The following TTN variants were observed in gnomAD, a reference collection of about 807,000 sequenced individuals.
TTN encodes connectin.
TTN carries 1,525 observed loss-of-function variants against 3,223.0 expected under a neutral mutation model. The ratio of observed to expected loss-of-function variants is 0.47; its 90% CI spans 0.45 to 0.49. The LOEUF (loss-of-function observed/expected upper bound fraction) is 0.49, where lower values mean the gene tolerates loss of function less well. Among genes scored for constraint, TTN ranks in the 20% least tolerant of loss-of-function variants. The pLI is 0.00. For missense variants in TTN, 40,786 were observed against 43,424.0 expected, an observed-to-expected ratio of 0.94 and a Z score of 5.40; for synonymous variants, 14,094 against 15,161.0, an observed-to-expected ratio of 0.93 and a Z score of 5.17.
chr2:178,541,198 A>T, intron 350 of TTN, 84 bp downstream of exon 350: 1 of 1,294,924 alleles, frequency 7.7e-7, no homozygotes, highest in Non-Finnish European at 1.0e-6. Context: ...TTCAAAAGTC[A>T]TAGAACTATA....
At position 178,612,153 on chromosome 2, in the gene TTN, C is replaced by T. The variant is rs774047061; in HGVS notation, c.50258G>A (p.Gly16753Glu). 8.1e-6 allele frequency: 13 copies of T among 1,608,928 alleles called. No homozygotes were observed. In the South Asian group the frequency reaches 1.3e-4, roughly 17 times the overall value. Residue 16753 changes from glycine to glutamate, a missense_variant, in exon 267 of 363, where the codon GGA (glycine) becomes GAA (glutamate). Transcript: ENST00000589042. Reference sequence around the variant, plus strand: ...AACCACTGCCAGGGCGTAGGGTGGTCCAGGAGTGGCTGAAAATAAAATAAA... The same window carrying T: ...AACCACTGCCAGGGCGTAGGGTGGTTCAGGAGTGGCTGAAAATAAAATAAA... ...VLAKDTFTTP[G>E]PPYALAVVDV...
rs2078975916 is a variant in TTN at position 178,724,383 on chromosome 2, A to T, written c.20992T>A (p.Phe6998Ile). ...CTTAAGGAAGAGATTTTGTTGTAGA[A>T]GCTAAATTTGTGTTTTTGGCTGCTG... Reference protein sequence around the residue: ...LTSSQKHKFSFYNKISSLRIL... With the variant: ...LTSSQKHKFSIYNKISSLRIL... Residue 6998 changes from phenylalanine (F) to isoleucine (I), a missense_variant, in exon 72 of 363, where the codon TTC becomes ATC. By Grantham distance (21) the Phe-to-Ile change is conservative (BLOSUM62 0). Coordinates refer to ENST00000589042, the MANE Select transcript of TTN (RefSeq NM_001267550.2). 3.7e-6 allele frequency: 6 copies of T among 1,613,550 alleles called. No homozygotes were observed. The highest frequency in any genetic ancestry group is 3.3e-5 in the South Asian group (3 of 91,072).
rs1343160471 is a variant in TTN, at chr2:178,576,670, T to C, written c.69574A>G (p.Thr23192Ala). The C allele has an allele frequency of 6.2e-7, 1 of 1,613,516 alleles. No homozygotes were observed. Among genetic ancestry groups the C allele is most frequent in the Admixed American group, 1.7e-5 (1 of 59,982 alleles). ...TTGCACCTGAGATCGGAAACTGGTG[T>C]TTTTATTGCTCTCACCCATCGCAGG... is the stretch of plus-strand genomic sequence containing the variant. The part of the protein sequence containing the change: ...KSLRWVRAIK[T>A]PVSDLRCKVT... The change falls in exon 325 of 363, where the codon ACA becomes GCA. Residue 23192 changes from threonine (T) to alanine (A), a missense_variant. Transcript: ENST00000589042. This position sits in a 1 kb window ranked among gnomAD's most constrained non-coding sequence, Gnocchi z 4.3.
Position 178,711,100 on chromosome 2 carries a change from A to G in TTN, c.28136T>C (p.Ile9379Thr). Residue 9379 changes from isoleucine (I) to threonine (T), a missense_variant, in exon 97 of 363, where the codon ATA (isoleucine) becomes ACA (threonine). Coordinates refer to ENST00000589042, the MANE Select transcript of TTN (RefSeq NM_001267550.2). ...GQYSCTATNP[I>T]GSASSSARLI... ...CCTGGCACTGGAAGAAGCAGAGCCT[A>G]TAGGGTTTGTAGCTGTGCAGGAATA... 1 of 1,612,584 alleles carries G rather than the reference A, an allele frequency of 6.2e-7. No individual in the cohort carries two copies.
chr2:178,749,047 G>T (rs768075856), intron 47 of TTN: 4 of 1,612,444 alleles, frequency 2.5e-6, no homozygotes, highest in South Asian at 1.1e-5. Context: ...TTTTCCCCGG[G>T]TAGTGTATCT....
chr2:178,592,972 A>G lies in TTN; in HGVS notation c.59147T>C (p.Ile19716Thr), dbSNP rs763636451. 3 of 1,613,532 alleles carry G rather than the reference A, an allele frequency of 1.9e-6. No individual in the cohort carries two copies. The highest frequency in any genetic ancestry group is 1.7e-5 in the Admixed American group (1 of 59,978). Residue 19716 changes from isoleucine to threonine, a missense_variant, in exon 300 of 363, where the codon ATT becomes ACT. Physicochemically the swap from Ile to Thr is moderately conservative, Grantham distance 89. Transcript: ENST00000589042. ...HDGGSKILGY[I>T]VEYQKVGDEE... ...ATCTCCAACTTTCTGGTACTCAACA[A>G]TATAACCCAGAATCTTGCTCCCACC...
At chr2:178,751,400 T>C in intron 47 of TTN, 4 of 1,608,240 alleles carry the variant, frequency 2.5e-6, no homozygotes, top group Non-Finnish European at 3.4e-6. Context: ...GTAATCTGTT[T>C]TCTTGGCAGA....
intron 6 of TTN, among the ~76,000 whole-genome samples, chr2:178,795,522 A>C (rs2154356447): frequency 6.6e-6 from 1 of 152,312 alleles, no homozygotes; most frequent in East Asian, 1.9e-4. Context: ...CATTAAAAAA[A>C]AAAAAAAATC....
In TTN at chr2:178,543,184, A is replaced by G; in HGVS notation, c.96789T>C (p.Thr32263=). The part of the protein sequence containing the change: ...VTLKPTVLEH[T]VTSLNEGEQY... Reference sequence around the variant, plus strand: ...GTTCACCTTCATTTAAGGAAGTAACAGTGTGCTCTAGGACTGTGGGTTTTA... The same window carrying G: ...GTTCACCTTCATTTAAGGAAGTAACGGTGTGCTCTAGGACTGTGGGTTTTA... Residue 32263 remains threonine, a synonymous_variant, in exon 347 of 363, where the codon ACT becomes ACC. Coordinates refer to ENST00000589042, the MANE Select transcript of TTN (RefSeq NM_001267550.2). 1.9e-6 allele frequency: 3 copies of G among 1,613,712 alleles called. No homozygotes were observed. The highest frequency in any genetic ancestry group is 2.5e-6 in the Non-Finnish European group (3 of 1,179,720).
chr2:178,537,577 C>T lies in TTN; in HGVS notation c.99630G>A (p.Val33210=). 5 of 1,613,712 alleles carry T rather than the reference C, an allele frequency of 3.1e-6. No individual in the cohort carries two copies. Among genetic ancestry groups the T allele is most frequent in the Non-Finnish European group, 4.2e-6 (5 of 1,179,744 alleles). ...TAACATGAAGCCGAAGTGTGGAACCCACAGCTCCATAATATTTCTCTTTCA... is the reference window on the plus strand; with the variant it reads ...TAACATGAAGCCGAAGTGTGGAACCTACAGCTCCATAATATTTCTCTTTCA... ...YPLKEKYYGA[V]GSTLRLHVMY... is the part of the protein sequence containing the mutation. The change falls in exon 355 of 363, where the codon GTG becomes GTA. Residue 33210 remains valine (V), a synonymous_variant. Coordinates refer to ENST00000589042, the MANE Select transcript of TTN (RefSeq NM_001267550.2).
In TTN at chr2:178,617,507, G is replaced by A. The variant is rs754280245; in HGVS notation, c.47578C>T (p.Pro15860Ser). 8 of 1,583,172 alleles carry A rather than the reference G, an allele frequency of 5.1e-6. No homozygotes were observed. The highest frequency in any genetic ancestry group is 6.8e-6 in the Non-Finnish European group (8 of 1,170,544). ...GAAGTTAGGTTTACAGGAGGACTTG[G>A]TCTCTCTGGAATAAAAGAAGGAGTT... is the stretch of plus-strand genomic sequence containing the variant. ...FVKVADPIER[P>S]SPPVNLTSSD... Residue 15860 changes from proline to serine, a missense_variant, in exon 254 of 363, where the codon CCA becomes TCA. Physicochemically the swap from Pro to Ser is moderately conservative, Grantham distance 74 (BLOSUM62 -1). Coordinates refer to ENST00000589042, the MANE Select transcript of TTN (RefSeq NM_001267550.2).
intron 98 of TTN, 112 bp from the exon 99 acceptor site, chr2:178,709,968 AC>A: frequency 1.0e-6 from 1 of 975,092 alleles, no homozygotes. Context: ...AGGCTAACCA[AC>A]TAAATACACT....
At position 178,597,547 on chromosome 2, in the gene TTN, C is replaced by T. The variant is rs1383899808; in HGVS notation, c.57535G>A (p.Asp19179Asn). The T allele has an allele frequency of 6.2e-7, 1 of 1,610,838 alleles. No individual in the cohort carries two copies. Among genetic ancestry groups the T allele is most frequent in the Non-Finnish European group, 8.5e-7 (1 of 1,178,696 alleles). ...AGERKKTIIV[D>N]VLDVPGPVGT... ...AATTGAAAGTATTTACCTAATACATCAACAATAATTGTCTTCTTTCTTTCT... is the reference window on the plus strand; with the variant it reads ...AATTGAAAGTATTTACCTAATACATTAACAATAATTGTCTTCTTTCTTTCT... Residue 19179 changes from aspartate (D) to asparagine (N), a missense_variant, in exon 294 of 363, where the codon GAT becomes AAT. By Grantham distance (23) the Asp-to-Asn change is conservative (BLOSUM62 1). Coordinates refer to ENST00000589042, the MANE Select transcript of TTN (RefSeq NM_001267550.2).
Position 178,582,488 on chromosome 2 carries a change from T to A in TTN, c.65968A>T (p.Asn21990Tyr). 6.2e-7 allele frequency: 1 copy of A among 1,612,910 alleles called. No homozygotes were observed. The highest frequency in any genetic ancestry group is 8.5e-7 in the Non-Finnish European group (1 of 1,179,308). ...GTTTCACGTTTGTCAACAATATAGTTGGTGATTTCTGAGCCTCCATCTTCA... is the reference window on the plus strand; with the variant it reads ...GTTTCACGTTTGTCAACAATATAGTAGGTGATTTCTGAGCCTCCATCTTCA... ...PLEDGGSEIT[N>Y]YIVDKRETSR... Residue 21990 changes from asparagine to tyrosine, a missense_variant, in exon 314 of 363, where the codon AAC becomes TAC. Coordinates refer to ENST00000589042, the MANE Select transcript of TTN (RefSeq NM_001267550.2).
rs769146381 is a variant in TTN at position 178,646,557 on chromosome 2, G to C, written c.40225C>G (p.Arg13409Gly). The C allele has an allele frequency of 2.6e-6, 4 of 1,539,120 alleles. No homozygotes were observed. Among genetic ancestry groups the C allele is most frequent in the South Asian group, 2.4e-5 (2 of 83,238 alleles). ...GRKETPPVEE[R>G]EIEKYIKPEE... ...GGTTTAATATACTTTTCAATTTCAC[G>C]TTCTTTAAAGAATGTTGACAAAGGA... The change falls in exon 216 of 363, where the codon CGT becomes GGT. Residue 13409 changes from arginine (R) to glycine (G), a missense_variant and splice_region_variant. Arg to Gly is a moderately radical substitution (Grantham distance 125). Coordinates refer to ENST00000589042, the MANE Select transcript of TTN (RefSeq NM_001267550.2).
chr2:178,684,227 TCAACAA>T (rs78092378), intron 132 of TTN, 97 bp downstream of exon 132: 12 of 1,280,348 alleles, frequency 9.4e-6, no homozygotes, highest in African/African-American at 3.0e-5. Flanking sequence ...AACAACAACA[TCAACAA>T]CAACAACAAC....
intron 221 of TTN, among the ~76,000 whole-genome samples, chr2:178,640,312 T>C (rs2061067528): frequency 6.6e-6 from 1 of 152,018 alleles, no homozygotes; most frequent in Non-Finnish European, 1.5e-5. Context: ...GTTTTAATGT[T>C]GTTATTTATC....
At position 178,533,881 on chromosome 2, in the gene TTN, T is replaced by G; in HGVS notation, c.102734A>C (p.Lys34245Thr). Residue 34245 changes from lysine to threonine, a missense_variant, in exon 358 of 363, where the codon AAG (lysine) becomes ACG (threonine). By Grantham distance (78) the Lys-to-Thr change is moderately conservative. Transcript: ENST00000589042. ...GAGTCTCATTGTGTCTGTTCTGCGCTTAATTTTCTTCATGGTTCTACGGCA... is the reference window on the plus strand; with the variant it reads ...GAGTCTCATTGTGTCTGTTCTGCGCGTAATTTTCTTCATGGTTCTACGGCA... The part of the protein sequence containing the change: ...YYCRRTMKKI[K>T]RRTDTMRLLE... 1 of 1,613,946 alleles carries G rather than the reference T, an allele frequency of 6.2e-7. No homozygotes were observed. The highest frequency in any genetic ancestry group is 8.5e-7 in the Non-Finnish European group (1 of 1,179,874).
intron 117 of TTN, 62 bp from the exon 118 acceptor site, chr2:178,694,070 A>G: frequency 4.6e-6 from 6 of 1,308,536 alleles, no homozygotes; most frequent in South Asian, 1.3e-5. Context: ...CAGATCAAAC[A>G]CATGGATTTT....
Sources: allele counts gnomAD v4.1 joint callset (sites outside exome capture counted in the v4.1 genomes callset), GRCh38; gene constraint gnomAD v4.1.1; non-coding constraint Gnocchi (gnomAD v3.1); transcripts MANE v1.5; gene names NCBI Gene and HGNC (gene_info 2026-07-23, HGNC 2026-07-21).